Variants in SHTN1 observed in about 807,000 individuals in gnomAD.
SHTN1 encodes shootin 1, also known as shootin-1.
Under a neutral mutation model 83.1 loss-of-function variants are expected in SHTN1, and 42 were observed. The observed-to-expected ratio is 0.51, with a 90% CI of 0.39 to 0.65. SHTN1 has a LOEUF of 0.65. Among genes scored for constraint, SHTN1 ranks in the 30% least tolerant of loss-of-function variants. The pLI, the probability that SHTN1 is intolerant of heterozygous loss-of-function variation, is 0.00. For synonymous variants in SHTN1, 224 were observed against 247.7 expected (o/e 0.90, Z 0.90); for missense variants, 622 against 737.8 (o/e 0.84, Z 1.82).
intron 16 of SHTN1, among the ~76,000 whole-genome samples, chr10:116,888,156 G>A (rs576528019): frequency 1.3e-5 from 2 of 152,342 alleles, no homozygotes; most frequent in South Asian, 4.1e-4. Flanking sequence ...GGGACAGGCT[G>A]TGCTGTAGTG....
upstream of SHTN1, among the ~76,000 whole-genome samples, chr10:117,007,554 C>CA (rs35941784): frequency 0.16 from 2,572 of 16,102 alleles, 388 homozygotes; most frequent in African/African-American, 0.24. Context: ...GACTCCATCT[C>CA]AAAAAAAAAA....
intron 13 of SHTN1, among the ~76,000 whole-genome samples, chr10:116,914,625 G>A (rs912292467): frequency 1.3e-5 from 2 of 152,146 alleles, no homozygotes; most frequent in African/African-American, 4.8e-5. Context: ...AGAAGAGGAA[G>A]TGGAGGAAGA....
intron 1 of SHTN1, among the ~76,000 whole-genome samples, chr10:117,077,219 A>G (rs1382804196): frequency 2.0e-5 from 3 of 152,218 alleles, no homozygotes; most frequent in African/African-American, 7.2e-5. Context: ...CCAACAGCTG[A>G]TCAGGAGGAG....
chr10:117,070,124 T>TA (rs11453268), intron 1 of SHTN1, among the ~76,000 whole-genome samples: 94,646 of 145,630 alleles, frequency 0.65, 33,950 homozygotes, highest in Middle Eastern at 0.84. Flanking sequence ...ATCAAACTGC[T>TA]AAAAAAAAAA....
At chr10:116,946,209 C>T (rs1404665893) in intron 7 of SHTN1, among the ~76,000 whole-genome samples, 1 of 148,588 alleles carries the variant, frequency 6.7e-6, no homozygotes, top group Admixed American at 6.7e-5. Flanking sequence ...TATATATAAA[C>T]ATATTTAACA....
At position 116,930,009 on chromosome 10, in the gene SHTN1, G is replaced by A. The variant is rs1848898145; in HGVS notation, c.859-7C>T. The A allele has an allele frequency of 6.7e-7, 1 of 1,502,708 alleles. No individual in the cohort carries two copies. The highest frequency in any genetic ancestry group is 1.4e-5 in the African/African-American group (1 of 69,554). 93.1% of individuals were successfully genotyped at this position (1,502,708 alleles called of 1,614,324 possible). A position where few individuals can be genotyped will look rare whatever the true frequency, so the allele number is the denominator to read the frequency against. ...GCTCTTCTAATTCTTTGACCTATAA[G>A]TTATTTAAAAAAAAAAGACTTTTAT... On this transcript the variant is annotated splice_region_variant and splice_polypyrimidine_tract_variant and intron_variant, in intron 9 of 16. Transcript: ENST00000355371.
In SHTN1 at chr10:116,979,346, A is replaced by G. The variant is rs1850931793; in HGVS notation, c.59-38T>C. On this transcript the variant is annotated intron_variant, in intron 1 of 16. Transcript: ENST00000355371. ...AGGAAAGCAACATTACAACACTGTC[A>G]AAAGTTTACTGCAGGGCAACCTGGG... The G allele has an allele frequency of 1.9e-6, 3 of 1,577,052 alleles. No homozygotes were observed. The Admixed American group carries it at 5.0e-5, about 26-fold the overall frequency.
At chr10:117,006,430 G>A (rs571567230), upstream of SHTN1, among the ~76,000 whole-genome samples, 2 of 151,948 alleles carry the variant, frequency 1.3e-5, no homozygotes, top group South Asian at 4.2e-4. Context: ...GCCGGGCGTG[G>A]TGGCAGGCGC....
At chr10:116,945,304 T>C (rs945810965) in intron 7 of SHTN1, among the ~76,000 whole-genome samples, 1 of 152,216 alleles carries the variant, frequency 6.6e-6, no homozygotes, top group African/African-American at 2.4e-5. Flanking sequence ...AAGGATGCTC[T>C]CTACCTCATT....
Position 116,884,324 on chromosome 10 carries a change from G to A in SHTN1, c.*2020C>T. 1 of 447,088 alleles carries A rather than the reference G, an allele frequency of 2.2e-6. No homozygotes were observed. The highest frequency in any genetic ancestry group is 1.6e-5 in the South Asian group (1 of 63,840). 27.7% of individuals were successfully genotyped at this position (447,088 alleles called of 1,614,324 possible). A position where few individuals can be genotyped will look rare whatever the true frequency, so the allele number is the denominator to read the frequency against. ...AGTGAAAAGGGAAAAACTGTAGGCAGAAAAAGGTGAGTGAATATCTTCCAT... is the reference window on the plus strand; with the variant it reads ...AGTGAAAAGGGAAAAACTGTAGGCAAAAAAAGGTGAGTGAATATCTTCCAT... On this transcript the variant is annotated 3_prime_UTR_variant, in exon 17 of 17. Coordinates refer to ENST00000355371, the MANE Select transcript of SHTN1 (RefSeq NM_001127211.3).
chr10:116,931,579 C>A (rs1205767390), intron 9 of SHTN1, among the ~76,000 whole-genome samples: 1 of 152,156 alleles, frequency 6.6e-6, no homozygotes, highest in East Asian at 1.9e-4. Flanking sequence ...CAAAAAGTTG[C>A]AAATAACCTA....
At chr10:117,028,553 C>A (rs1378929952) in intron 2 of SHTN1, among the ~76,000 whole-genome samples, 2 of 152,098 alleles carry the variant, frequency 1.3e-5, no homozygotes, top group African/African-American at 4.8e-5. Context: ...CTGGGCCAGG[C>A]CCAGTGCTCC....
At chr10:116,991,833 G>T (rs1007008972) in intron 1 of SHTN1, among the ~76,000 whole-genome samples, 1 of 151,990 alleles carries the variant, frequency 6.6e-6, no homozygotes, top group African/African-American at 2.4e-5. Context: ...ACATTCGAGG[G>T]GAAAAATGAT....
At chr10:116,941,317 T>C (rs963885890) in intron 8 of SHTN1, among the ~76,000 whole-genome samples, 13 of 152,218 alleles carry the variant, frequency 8.5e-5, no homozygotes, top group African/African-American at 3.1e-4. Flanking sequence ...TAGTTAACAG[T>C]AGAAGGGTAA....
chr10:116,920,600 C>T (rs1443581246), intron 12 of SHTN1, among the ~76,000 whole-genome samples: 1 of 152,116 alleles, frequency 6.6e-6, no homozygotes, highest in Non-Finnish European at 1.5e-5. Context: ...CTCACTGCAG[C>T]CAGGGTGATT....
intron 1 of SHTN1, among the ~76,000 whole-genome samples, chr10:117,104,577 T>C (rs1341921565): frequency 6.6e-6 from 1 of 152,174 alleles, no homozygotes; most frequent in Non-Finnish European, 1.5e-5. Flanking sequence ...GAGACCATCC[T>C]GGCTAACAAA....
At chr10:117,097,030 GACACACACAC>G (rs5788209) in intron 1 of SHTN1, among the ~76,000 whole-genome samples, 12 of 149,042 alleles carry the variant, frequency 8.1e-5, no homozygotes, top group Admixed American at 2.0e-4. Flanking sequence ...CACACACATA[GACACACACAC>G]ACACACACAC....
At chr10:117,104,825 A>C (rs1292491809) in intron 1 of SHTN1, among the ~76,000 whole-genome samples, 1 of 151,938 alleles carries the variant, frequency 6.6e-6, no homozygotes, top group Non-Finnish European at 1.5e-5. Flanking sequence ...TTTGTCATGA[A>C]TATCTTCCAA....
rs543142933 is a variant in SHTN1 at position 117,086,266 on chromosome 10, T to C, written c.-188-37756A>G. 3.3e-5 allele frequency among the ~76,000 whole-genome samples: 5 copies of C among 152,360 alleles called. No individual in the cohort carries two copies. The South Asian group carries it at 6.2e-4, about 19-fold the overall frequency. On this transcript the variant is annotated intron_variant, in intron 1 of 17. Transcript: ENST00000392901. Reference sequence around the variant, plus strand: ...GAAATTAATATAGCTATGCCAACTTTCTTTTGACTAGTAGAGCACAGCATT... The same window carrying C: ...GAAATTAATATAGCTATGCCAACTTCCTTTTGACTAGTAGAGCACAGCATT...
Sources: allele counts gnomAD v4.1 joint callset (sites outside exome capture counted in the v4.1 genomes callset), GRCh38; gene constraint gnomAD v4.1.1; transcripts MANE v1.5; gene names NCBI Gene and HGNC (gene_info 2026-07-23, HGNC 2026-07-21).